The following PTDSS1 variants were observed in gnomAD, a reference collection of about 807,000 sequenced individuals.
The protein encoded by PTDSS1 is phosphatidylserine synthase 1.
A neutral mutation model predicts 70.5 loss-of-function variants in PTDSS1; 45 were observed. The observed-to-expected ratio is 0.64, with a 90% confidence interval of 0.50 to 0.82. PTDSS1 has a LOEUF of 0.82. PTDSS1 is among the 40% of genes least tolerant of loss of function. PTDSS1 has a pLI of 0.00. For synonymous variants in PTDSS1, 188 were observed against 203.8 expected, an observed-to-expected ratio of 0.92 and a Z score of 0.66; for missense variants, 417 against 586.1, an observed-to-expected ratio of 0.71 and a Z score of 2.98.
At chr8:96,278,676 G>A (rs953068252) in intron 2 of PTDSS1, among the ~76,000 whole-genome samples, 6 of 152,182 alleles carry the variant, frequency 3.9e-5, no homozygotes, top group African/African-American at 1.4e-4. Flanking sequence ...TCACTGGAGT[G>A]AAATTTAGAA....
chr8:96,289,096 G>A (rs561182342), intron 4 of PTDSS1, among the ~76,000 whole-genome samples: 7 of 151,430 alleles, frequency 4.6e-5, no homozygotes, highest in Non-Finnish European at 1.0e-4. Context: ...CACTACGCCT[G>A]GCTAATTTTT....
chr8:96,327,389 A>C (rs1811453189), intron 10 of PTDSS1, among the ~76,000 whole-genome samples: 1 of 152,180 alleles, frequency 6.6e-6, no homozygotes, highest in African/African-American at 2.4e-5. Flanking sequence ...CGTCGCCCGA[A>C]AAGAGGCCCT....
intron 10 of PTDSS1, among the ~76,000 whole-genome samples, chr8:96,322,056 G>A (rs977303772): frequency 2.6e-5 from 4 of 152,004 alleles, no homozygotes; most frequent in African/African-American, 9.7e-5. Flanking sequence ...CCTCTTCACC[G>A]GGTACCAGAG....
chr8:96,279,570 G>A (rs1033987990), intron 2 of PTDSS1, among the ~76,000 whole-genome samples: 2 of 151,714 alleles, frequency 1.3e-5, no homozygotes. Context: ...TGTAATCCCA[G>A]CACTTTGGGA....
At chr8:96,319,092 T>C (rs975297773) in intron 9 of PTDSS1, among the ~76,000 whole-genome samples, 1 of 151,956 alleles carries the variant, frequency 6.6e-6, no homozygotes, top group Non-Finnish European at 1.5e-5. Flanking sequence ...TTTTGTATTA[T>C]TGGCAGAGAT....
At chr8:96,276,791 C>T (rs1306856322) in intron 2 of PTDSS1, among the ~76,000 whole-genome samples, 1 of 152,162 alleles carries the variant, frequency 6.6e-6, no homozygotes, top group African/African-American at 2.4e-5. Flanking sequence ...CTGGACCTAG[C>T]GTGCTTTGCA....
At chr8:96,267,626 A>G (rs973938069) in intron 1 of PTDSS1, among the ~76,000 whole-genome samples, 2 of 152,222 alleles carry the variant, frequency 1.3e-5, no homozygotes, top group Non-Finnish European at 2.9e-5. Flanking sequence ...GTGACTTTCC[A>G]TAAAACGAAA....
intron 7 of PTDSS1, among the ~76,000 whole-genome samples, chr8:96,305,531 C>A (rs1386851727): frequency 3.3e-5 from 5 of 152,300 alleles, no homozygotes; most frequent in African/African-American, 1.2e-4. Context: ...AGGATGCTAA[C>A]CTCAGGGAAA....
At chr8:96,280,536 C>T (rs1024015195) in intron 2 of PTDSS1, among the ~76,000 whole-genome samples, 1 of 151,864 alleles carries the variant, frequency 6.6e-6, no homozygotes, top group Admixed American at 6.6e-5. Context: ...CCAGTGCACT[C>T]CAGCCTAGGT....
intron 9 of PTDSS1, among the ~76,000 whole-genome samples, chr8:96,317,843 T>C (rs1811316696): frequency 6.6e-6 from 1 of 151,718 alleles, no homozygotes; most frequent in South Asian, 2.1e-4. Flanking sequence ...AATATCAGAA[T>C]AAAGATGCAA....
Position 96,296,264 on chromosome 8 carries a change from G to A in PTDSS1, c.600+1008G>A, listed in dbSNP as rs147692347. 7.5e-3 allele frequency among the ~76,000 whole-genome samples: 1,103 copies of A among 146,412 alleles called. 14 individuals are homozygous for A. The highest frequency in any genetic ancestry group is 0.039 in the East Asian group (184 of 4,764). The stretch of plus-strand genomic sequence containing the variant: ...CGCCATTCTCCTGCCTCAGCCTCCC[G>A]AGTAGCTGGAACTACAGGCGTGTGC... On this transcript the variant is annotated intron_variant, in intron 5 of 12. Transcript: ENST00000517309.
chr8:96,268,217 T>C (rs1431987760), intron 1 of PTDSS1, among the ~76,000 whole-genome samples: 1 of 152,198 alleles, frequency 6.6e-6, no homozygotes, highest in Non-Finnish European at 1.5e-5. Context: ...ACAAGGATCA[T>C]AACTTTCTAT....
At chr8:96,296,607 A>C (rs1335103148) in intron 5 of PTDSS1, among the ~76,000 whole-genome samples, 1 of 152,212 alleles carries the variant, frequency 6.6e-6, no homozygotes, top group Non-Finnish European at 1.5e-5. Flanking sequence ...TTAGGGCTTC[A>C]ACATAGGAGT....
chr8:96,297,120 CT>C (rs1269757651), intron 5 of PTDSS1, among the ~76,000 whole-genome samples: 1 of 152,196 alleles, frequency 6.6e-6, no homozygotes, highest in Non-Finnish European at 1.5e-5. Flanking sequence ...CCAAATGATC[CT>C]CTTTAGACCC....
At chr8:96,292,591 A>C (rs748998960) in intron 4 of PTDSS1, among the ~76,000 whole-genome samples, 1 of 152,194 alleles carries the variant, frequency 6.6e-6, no homozygotes, top group Non-Finnish European at 1.5e-5. Flanking sequence ...TTCTAAGTGT[A>C]TGAAAAGGCC....
chr8:96,297,324 G>A (rs945223789), intron 5 of PTDSS1, among the ~76,000 whole-genome samples: 44 of 152,052 alleles, frequency 2.9e-4, no homozygotes, highest in African/African-American at 9.2e-4. Context: ...GATTACAGGC[G>A]TGTGCCACCA....
intron 6 of PTDSS1, 52 bp downstream of exon 6, chr8:96,299,897 T>C: frequency 6.4e-7 from 1 of 1,551,706 alleles, no homozygotes; most frequent in Non-Finnish European, 8.7e-7. Flanking sequence ...GATATATATT[T>C]AATTGTTTTG....
chr8:96,333,081 G>C (rs541721284), intron 12 of PTDSS1, among the ~76,000 whole-genome samples: 15 of 152,162 alleles, frequency 9.9e-5, no homozygotes, highest in Admixed American at 9.2e-4. Context: ...GGAAACCCTT[G>C]GTTGCAGGGC....
chr8:96,323,302 C>T (rs941188435), intron 10 of PTDSS1, among the ~76,000 whole-genome samples: 3 of 152,236 alleles, frequency 2.0e-5, no homozygotes, highest in Non-Finnish European at 2.9e-5. Context: ...TCCAACCCCA[C>T]ATTTCTCCTT....
Sources: gnomAD v4.1 joint callset for allele counts (sites outside exome capture counted in the v4.1 genomes callset) on GRCh38, gnomAD v4.1.1 for gene constraint, MANE v1.5 for transcripts, NCBI Gene and HGNC (gene_info 2026-07-23, HGNC 2026-07-21) for gene names.